DOCK9: variants seen among roughly 807,000 people sequenced by gnomAD.
DOCK9 encodes the protein dedicator of cytokinesis protein 9.
A neutral mutation model predicts 263.3 loss-of-function variants in DOCK9; 89 were observed. The observed-to-expected ratio is 0.34, with a 90% CI of 0.28 to 0.40. DOCK9 has a LOEUF of 0.40. DOCK9 is among the 10% of genes least tolerant of loss of function. The pLI is 1.00. For missense variants in DOCK9, 2,140 were observed against 2,603.4 expected, an observed-to-expected ratio of 0.82 and a Z score of 3.87; for synonymous variants, 976 against 973.1, an observed-to-expected ratio of 1.00 and a Z score of -0.06.
intron 1 of DOCK9, among the ~76,000 whole-genome samples, chr13:99,019,189 G>A (rs1049198198): frequency 2.6e-5 from 4 of 152,166 alleles, no homozygotes; most frequent in Admixed American, 2.0e-4. Flanking sequence ...CATCCAGAGA[G>A]ATAGAAAGCA....
At chr13:99,050,332 C>T (rs1345325340) in intron 1 of DOCK9, among the ~76,000 whole-genome samples, 2 of 152,208 alleles carry the variant, frequency 1.3e-5, no homozygotes, top group South Asian at 2.1e-4. Flanking sequence ...TGGAAATATC[C>T]GAGACAGCGA....
chr13:98,979,229 T>TAGTAGTAGCAGCAGCAGCAGCAGC (rs1555439294), upstream of DOCK9, among the ~76,000 whole-genome samples: 2 of 125,050 alleles, frequency 1.6e-5, no homozygotes, highest in Non-Finnish European at 3.3e-5. Flanking sequence ...GTAGTAGTAG[T>TAGTAGTAGCAGCAGCAGCAGCAGC]AGCAGCAGCG....
intron 40 of DOCK9, 41 bp from the exon 41 acceptor site, chr13:98,831,571 G>C (rs1451563526): frequency 2.5e-6 from 4 of 1,590,600 alleles, no homozygotes; most frequent in African/African-American, 1.3e-5. Flanking sequence ...ACCACAGACA[G>C]GTCAGTGCTC....
intron 1 of DOCK9, among the ~76,000 whole-genome samples, chr13:99,060,910 A>G (rs1048587002): frequency 1.3e-5 from 2 of 152,190 alleles, no homozygotes; most frequent in African/African-American, 4.8e-5. Context: ...ATACTCAGTG[A>G]ATGCATGTTA....
intron 1 of DOCK9, among the ~76,000 whole-genome samples, chr13:98,967,614 T>A (rs1595718531): frequency 6.6e-6 from 1 of 152,174 alleles, no homozygotes; most frequent in Non-Finnish European, 1.5e-5. Flanking sequence ...CCTCTTTATA[T>A]GAGAAATGCT....
chr13:98,798,737 G>C (rs2089754715), intron 50 of DOCK9, among the ~76,000 whole-genome samples: 1 of 152,186 alleles, frequency 6.6e-6, no homozygotes, highest in African/African-American at 2.4e-5. Flanking sequence ...CAAATAAAAT[G>C]ATAAAGTTAA....
At chr13:99,051,248 G>A (rs1476237496) in intron 1 of DOCK9, among the ~76,000 whole-genome samples, 1 of 152,174 alleles carries the variant, frequency 6.6e-6, no homozygotes, top group Admixed American at 6.5e-5. Context: ...CTTTGACACT[G>A]TGAGCTCTTC....
At chr13:98,809,548 G>A (rs2140228376) in intron 46 of DOCK9, 83 bp from the exon 47 acceptor site, 1 of 1,163,468 alleles carries the variant, frequency 8.6e-7, no homozygotes, top group Non-Finnish European at 1.2e-6. Context: ...TAATGGAGGT[G>A]AAAAGTCCTT....
At chr13:98,938,875 A>G (rs4772160) in intron 2 of DOCK9, among the ~76,000 whole-genome samples, 71,609 of 152,058 alleles carry the variant, frequency 0.47, 17,291 homozygotes, top group Middle Eastern at 0.55. Context: ...GGACCATATG[A>G]GCAATGAGCT....
chr13:99,033,993 A>G (rs1566331632), intron 1 of DOCK9, among the ~76,000 whole-genome samples: 1 of 152,202 alleles, frequency 6.6e-6, no homozygotes, highest in Non-Finnish European at 1.5e-5. Context: ...ATCATGAAAT[A>G]TATTCAAACC....
At chr13:98,808,304 G>A (rs1219699145) in intron 47 of DOCK9, among the ~76,000 whole-genome samples, 1 of 152,046 alleles carries the variant, frequency 6.6e-6, no homozygotes, top group Non-Finnish European at 1.5e-5. Flanking sequence ...TTGCTTTACC[G>A]ATGAGAAAAA....
intron 1 of DOCK9, among the ~76,000 whole-genome samples, chr13:99,038,783 T>A (rs1888190811): frequency 6.6e-6 from 1 of 152,144 alleles, no homozygotes; most frequent in South Asian, 2.1e-4. Flanking sequence ...TAAAGGGGGA[T>A]TACGAAAGGG....
chr13:99,078,916 C>T (rs56319514), intron 1 of DOCK9, among the ~76,000 whole-genome samples: 4,210 of 152,288 alleles, frequency 0.028, 96 homozygotes, highest in South Asian at 0.063. Flanking sequence ...CTTCCCATCA[C>T]CCCACATCCA....
intron 10 of DOCK9, 78 bp from the exon 11 acceptor site, chr13:98,903,190 C>G (rs1166188991): frequency 8.5e-7 from 1 of 1,171,022 alleles, no homozygotes; most frequent in East Asian, 2.7e-5. Context: ...CCAAAGGAAA[C>G]GGAATAAAAT....
At chr13:98,870,805 C>T (rs1011311181) in intron 27 of DOCK9, among the ~76,000 whole-genome samples, 2 of 151,540 alleles carry the variant, frequency 1.3e-5, no homozygotes, top group Non-Finnish European at 2.9e-5. Context: ...CAGAGAACCA[C>T]GTATGTAACA....
intron 35 of DOCK9, among the ~76,000 whole-genome samples, chr13:98,852,234 C>A (rs987633214): frequency 6.6e-6 from 1 of 152,220 alleles, no homozygotes. Flanking sequence ...ACTTTATAAA[C>A]CCAAATATGA....
intron 2 of DOCK9, among the ~76,000 whole-genome samples, chr13:98,949,071 A>G (rs1470554926): frequency 6.6e-6 from 1 of 152,036 alleles, no homozygotes; most frequent in Non-Finnish European, 1.5e-5. Context: ...TATATCCAGA[A>G]GTGGTATACA....
chr13:98,825,351 A>G lies in DOCK9; in HGVS notation c.5024-847T>C, dbSNP rs2092481223. Among the ~76,000 whole-genome samples the G allele has an allele frequency of 6.6e-6, 1 of 152,232 alleles. No homozygotes were observed. The highest frequency in any genetic ancestry group is 6.5e-5 in the Admixed American group (1 of 15,288). On this transcript the variant is annotated intron_variant, in intron 44 of 52. Transcript: ENST00000682017. The surrounding 1 kb of genome is among the most constrained non-coding windows in gnomAD (Gnocchi z 4.1). ...GTTCACAATAAAATAAAACAGAAGTAAAAACTTGAATTGAGACTTCTACAT... is the reference window on the plus strand; with the variant it reads ...GTTCACAATAAAATAAAACAGAAGTGAAAACTTGAATTGAGACTTCTACAT...
At chr13:98,818,566 T>C (rs916459301) in intron 45 of DOCK9, among the ~76,000 whole-genome samples, 14 of 152,082 alleles carry the variant, frequency 9.2e-5, no homozygotes, top group Admixed American at 5.2e-4. Flanking sequence ...TGTTGACATA[T>C]GCAAAGAACT....
Sources: allele counts gnomAD v4.1 joint callset (sites outside exome capture counted in the v4.1 genomes callset), GRCh38; gene constraint gnomAD v4.1.1; non-coding constraint Gnocchi (gnomAD v3.1); transcripts MANE v1.5; gene names NCBI Gene and HGNC (gene_info 2026-07-23, HGNC 2026-07-21).